The following RBMS3 variants were observed in gnomAD, a reference collection of about 807,000 sequenced individuals.
The protein encoded by RBMS3 is RNA-binding motif, single-stranded-interacting protein 3.
Under a neutral mutation model 66.8 loss-of-function variants are expected in RBMS3, and 27 were observed. The ratio of observed to expected loss-of-function variants is 0.40; its 90% CI spans 0.30 to 0.56. RBMS3 has a LOEUF of 0.56. Ranked by LOEUF, RBMS3 falls within the 20% of genes least tolerant of loss-of-function variation. The pLI, the probability that RBMS3 is intolerant of heterozygous loss-of-function variation, is 0.40. For synonymous variants in RBMS3, 188 were observed against 183.0 expected (o/e 1.03, Z -0.22); for missense variants, 513 against 549.5 (o/e 0.93, Z 0.66).
Position 29,784,070 on chromosome 3 carries a change from C to T in RBMS3, c.637+21081C>T, listed in dbSNP as rs148927859. 4.4e-4 allele frequency among the ~76,000 whole-genome samples: 67 copies of T among 152,114 alleles called. 2 individuals carry two copies. The East Asian group carries it at 0.01, about 23-fold the overall frequency. On this transcript the variant is annotated intron_variant, in intron 6 of 14. Transcript: ENST00000383767. ...AAAACGATTACTACTAGATCTAAGA[C>T]ATGAGATAGAAGGCAACACAATAAT...
chr3:29,865,804 T>G (rs2059346040), intron 6 of RBMS3, among the ~76,000 whole-genome samples: 1 of 152,054 alleles, frequency 6.6e-6, no homozygotes, highest in South Asian at 2.1e-4. Context: ...CCAATTCTGC[T>G]TATATGGACA....
rs547620042 is a variant in RBMS3 at position 29,800,292 on chromosome 3, G to A, written c.637+37303G>A. On this transcript the variant is annotated intron_variant, in intron 6 of 14. Transcript: ENST00000383767. ...ATGGTTATGTCTTAAGTCAGGAAGGGAGAGGAGGGAAGGGGTGGAGACAAA... is the reference window on the plus strand; with the variant it reads ...ATGGTTATGTCTTAAGTCAGGAAGGAAGAGGAGGGAAGGGGTGGAGACAAA... Among the ~76,000 whole-genome samples the A allele has an allele frequency of 4.6e-5, 7 of 152,162 alleles. No homozygotes were observed. In the South Asian group the frequency reaches 1.0e-3, roughly 23 times the overall value.
intron 4 of RBMS3, among the ~76,000 whole-genome samples, chr3:29,668,758 T>G (rs2050870958): frequency 1.3e-5 from 2 of 152,234 alleles, no homozygotes; most frequent in African/African-American, 4.8e-5. Context: ...TTTAAGAGCT[T>G]GCCTGATCCT....
At chr3:29,457,637 A>G (rs902600913) in intron 2 of RBMS3, among the ~76,000 whole-genome samples, 21 of 152,140 alleles carry the variant, frequency 1.4e-4, no homozygotes, top group Admixed American at 1.3e-3. Context: ...CATGAGAATC[A>G]TTTGAACCCA....
At chr3:29,333,660 A>G (rs1466220737) in intron 1 of RBMS3, among the ~76,000 whole-genome samples, 1 of 152,132 alleles carries the variant, frequency 6.6e-6, no homozygotes, top group East Asian at 1.9e-4. Context: ...AATATTCAAT[A>G]AAGAGCGATC....
At chr3:29,925,272 T>C (rs2060905611) in intron 10 of RBMS3, 1 of 152,232 alleles carries the variant, frequency 6.6e-6, no homozygotes, top group Non-Finnish European at 1.5e-5. Context: ...CCAAAATATT[T>C]CGCTGCTGTC....
chr3:29,756,379 G>T (rs1195054520), intron 5 of RBMS3, among the ~76,000 whole-genome samples: 1 of 152,080 alleles, frequency 6.6e-6, no homozygotes, highest in African/African-American at 2.4e-5. Flanking sequence ...AATTTATAAA[G>T]AAAAAGAGGT....
chr3:29,715,839 C>T (rs2053370660), intron 4 of RBMS3, among the ~76,000 whole-genome samples: 1 of 152,080 alleles, frequency 6.6e-6, no homozygotes. Flanking sequence ...TGCATCAATG[C>T]CTTATCATAT....
chr3:29,729,703 C>T (rs2054047048), intron 4 of RBMS3, among the ~76,000 whole-genome samples: 1 of 152,084 alleles, frequency 6.6e-6, no homozygotes, highest in Admixed American at 6.5e-5. Flanking sequence ...GATGGTATCT[C>T]ATTGTGGTTT....
At chr3:29,488,379 G>A in intron 2 of RBMS3, 62 bp from the exon 3 acceptor site, 1 of 1,392,504 alleles carries the variant, frequency 7.2e-7, no homozygotes, top group Non-Finnish European at 1.0e-6. Flanking sequence ...GTTCATTAGA[G>A]TGTTTTAAGT....
chr3:29,995,801 C>T (rs1354265507), intron 14 of RBMS3, among the ~76,000 whole-genome samples: 2 of 152,176 alleles, frequency 1.3e-5, no homozygotes, highest in African/African-American at 2.4e-5. Flanking sequence ...CGGTACCAGC[C>T]ACTGCAAAAT....
intron 1 of RBMS3, among the ~76,000 whole-genome samples, chr3:29,422,605 T>G (rs1465576249): frequency 6.6e-6 from 1 of 152,018 alleles, no homozygotes; most frequent in Admixed American, 6.5e-5. Context: ...ATTATAAAAA[T>G]TATAATAAAT....
At chr3:29,529,737 G>T (rs1019797138) in intron 3 of RBMS3, among the ~76,000 whole-genome samples, 2 of 152,100 alleles carry the variant, frequency 1.3e-5, no homozygotes, top group African/African-American at 2.4e-5. Flanking sequence ...CTTTATCTAA[G>T]AATGGATAAA....
At chr3:29,619,184 A>G (rs993768607) in intron 4 of RBMS3, among the ~76,000 whole-genome samples, 16 of 151,732 alleles carry the variant, frequency 1.1e-4, no homozygotes, top group African/African-American at 3.9e-4. Flanking sequence ...GGGAACTTAG[A>G]TGAAGGGTCA....
chr3:29,510,714 A>G (rs760470942), intron 3 of RBMS3, among the ~76,000 whole-genome samples: 4 of 152,144 alleles, frequency 2.6e-5, no homozygotes, highest in Non-Finnish European at 5.9e-5. Context: ...CAAATTTTAG[A>G]GCTTTTGGAT....
At chr3:29,354,533 T>C (rs1276984442) in intron 1 of RBMS3, among the ~76,000 whole-genome samples, 1 of 152,170 alleles carries the variant, frequency 6.6e-6, no homozygotes, top group Non-Finnish European at 1.5e-5. Context: ...GATATAGATA[T>C]TCTTGACTAT....
chr3:30,001,004 G>T (rs554881853), intron 14 of RBMS3, among the ~76,000 whole-genome samples: 1 of 151,398 alleles, frequency 6.6e-6, no homozygotes, highest in Non-Finnish European at 1.5e-5. Context: ...AAACCTGCAC[G>T]TTCTGCATAT....
chr3:29,820,679 C>G (rs1161942607), intron 6 of RBMS3, among the ~76,000 whole-genome samples: 1 of 152,106 alleles, frequency 6.6e-6, no homozygotes, highest in Non-Finnish European at 1.5e-5. Flanking sequence ...TTTCCTGTTA[C>G]TCAGGTAAAC....
chr3:29,298,186 T>G (rs975333013), intron 1 of RBMS3, among the ~76,000 whole-genome samples: 2 of 151,916 alleles, frequency 1.3e-5, no homozygotes, highest in African/African-American at 4.8e-5. Context: ...ATTGACTGAA[T>G]GATTGGTCTA....
Sources: gnomAD v4.1 joint callset for allele counts (sites outside exome capture counted in the v4.1 genomes callset) on GRCh38, gnomAD v4.1.1 for gene constraint, MANE v1.5 for transcripts, NCBI Gene and HGNC (gene_info 2026-07-23, HGNC 2026-07-21) for gene names.